Variants in KAZN observed in about 807,000 individuals in gnomAD.
The protein encoded by KAZN is kazrin.
In KAZN, 40 loss-of-function variants were observed where a neutral mutation model predicts 87.4. That is an observed-to-expected ratio of 0.46 (90% CI 0.36 to 0.60). KAZN has a LOEUF of 0.60. Ranked by LOEUF, KAZN falls within the 20% of genes least tolerant of loss-of-function variation. The pLI is 0.00. For missense variants in KAZN, 898 were observed against 1,073.9 expected (o/e 0.84, Z 2.29); for synonymous variants, 466 against 458.3 (o/e 1.02, Z -0.22).
intron 1 of KAZN, among the ~76,000 whole-genome samples, chr1:13,905,520 C>T (rs771843559): frequency 9.2e-5 from 14 of 152,270 alleles, no homozygotes; most frequent in South Asian, 2.1e-4. Flanking sequence ...CTTACCTCCC[C>T]GTGCCTGTGT....
intron 1 of KAZN, among the ~76,000 whole-genome samples, chr1:14,928,381 G>A (rs1279533011): frequency 6.6e-6 from 1 of 151,706 alleles, no homozygotes; most frequent in African/African-American, 2.4e-5. Context: ...CCTGGGAGGC[G>A]GAGCTTGCAG....
At chr1:14,304,647 G>A (rs1394790677) in intron 2 of KAZN, 1 of 398,322 alleles carries the variant, frequency 2.5e-6, no homozygotes, top group Non-Finnish European at 4.4e-6. Context: ...CAATGATCCA[G>A]CAGGCTTCTG....
intron 1 of KAZN, among the ~76,000 whole-genome samples, chr1:14,931,119 C>G (rs1168081922): frequency 6.6e-6 from 1 of 152,094 alleles, no homozygotes; most frequent in Non-Finnish European, 1.5e-5. Context: ...GGGAGGCTTC[C>G]AGGGCCAGAT....
intron 1 of KAZN, among the ~76,000 whole-genome samples, chr1:13,922,994 A>G (rs1346343777): frequency 6.6e-6 from 1 of 152,120 alleles, no homozygotes; most frequent in Non-Finnish European, 1.5e-5. Flanking sequence ...AGCTCAGGGG[A>G]TGTGCACACA....
At chr1:14,151,000 AATT>A (rs993763612) in intron 1 of KAZN, among the ~76,000 whole-genome samples, 1 of 152,138 alleles carries the variant, frequency 6.6e-6, no homozygotes, top group Admixed American at 6.5e-5. Flanking sequence ...GTATATTCTC[AATT>A]ATATATGTGA....
chr1:14,964,506 C>T (rs568161059), intron 2 of KAZN, among the ~76,000 whole-genome samples: 1 of 152,288 alleles, frequency 6.6e-6, no homozygotes, highest in African/African-American at 2.4e-5. Flanking sequence ...CACGAGCATC[C>T]TGCCTGGAAT....
intron 1 of KAZN, among the ~76,000 whole-genome samples, chr1:14,126,353 T>A (rs1371318237): frequency 1.2e-4 from 4 of 34,152 alleles, no homozygotes; most frequent in Admixed American, 3.3e-4. Context: ...AGCTCTCCCC[T>A]CCCCCCCCCC....
At position 14,929,865 on chromosome 1, in the gene KAZN, T is replaced by A. The variant is rs1238207327; in HGVS notation, c.227-30819T>A. ...AACCTCTGTCTCCCTTGTGGCGGCTTCTATGAAGGTGGGGACTCCAGGCTT... is the reference window on the plus strand; with the variant it reads ...AACCTCTGTCTCCCTTGTGGCGGCTACTATGAAGGTGGGGACTCCAGGCTT... On this transcript the variant is annotated intron_variant, in intron 1 of 14. Transcript: ENST00000376030. 9 of 985,454 alleles carry A rather than the reference T, an allele frequency of 9.1e-6. No individual in the cohort carries two copies. In the East Asian group the frequency reaches 1.0e-3, roughly 112 times the overall value. The allele number at this position is 985,454 out of a possible 1,614,324, so 61.0% of individuals were successfully genotyped here. A position where few individuals can be genotyped will look rare whatever the true frequency, so the allele number is the denominator to read the frequency against.
rs190873363 is a variant in KAZN, at chr1:13,906,551, C to T, written c.91+12795C>T. 6.0e-4 allele frequency among the ~76,000 whole-genome samples: 92 copies of T among 152,274 alleles called. 1 individual carries two copies. Among genetic ancestry groups the T allele is most frequent in the Admixed American group, 2.1e-3 (32 of 15,290 alleles). ...CCCAGGTTTCCAGTCTGCCTCTTCC[C>T]GTTCTTCTGGCCTAACTTTGTCTCT... On this transcript the variant is annotated intron_variant, in intron 1 of 16. Coordinates refer to the KAZN transcript ENST00000636203.
At chr1:14,161,204 G>A (rs1346187446) in intron 1 of KAZN, among the ~76,000 whole-genome samples, 1 of 152,208 alleles carries the variant, frequency 6.6e-6, no homozygotes, top group Non-Finnish European at 1.5e-5. Flanking sequence ...GCTATCTATT[G>A]CTGTATAAGA....
At chr1:14,672,247 A>G (rs1212653916) in intron 1 of KAZN, among the ~76,000 whole-genome samples, 1 of 152,206 alleles carries the variant, frequency 6.6e-6, no homozygotes, top group Non-Finnish European at 1.5e-5. Flanking sequence ...TCCGTGCTAC[A>G]CTTCATGGTT....
At chr1:14,376,118 G>A (rs1307608008) in intron 2 of KAZN, among the ~76,000 whole-genome samples, 1 of 152,114 alleles carries the variant, frequency 6.6e-6, no homozygotes, top group African/African-American at 2.4e-5. Flanking sequence ...CACAGTGAGG[G>A]AGAATACCAA....
At chr1:13,956,310 CTTTTTT>C (rs71576051) in intron 1 of KAZN, among the ~76,000 whole-genome samples, 5,780 of 138,580 alleles carry the variant, frequency 0.042, 415 homozygotes, top group African/African-American at 0.14. Flanking sequence ...TCTTTTTTTT[CTTTTTT>C]TTTTTTTGAT....
At chr1:14,944,434 C>T (rs1661502657) in intron 1 of KAZN, among the ~76,000 whole-genome samples, 1 of 151,584 alleles carries the variant, frequency 6.6e-6, no homozygotes. Context: ...GTTTCAGAAG[C>T]CATGCCTGCC....
chr1:14,413,218 T>C (rs1427376398), intron 2 of KAZN, among the ~76,000 whole-genome samples: 4 of 151,696 alleles, frequency 2.6e-5, no homozygotes, highest in Non-Finnish European at 5.9e-5. Context: ...TGACAATAAG[T>C]AGTACTGGGG....
chr1:14,808,528 C>T (rs1646300826), intron 1 of KAZN, among the ~76,000 whole-genome samples: 1 of 151,500 alleles, frequency 6.6e-6, no homozygotes. Context: ...AAACTCCTGA[C>T]CTCAAGTGAT....
intron 2 of KAZN, among the ~76,000 whole-genome samples, chr1:14,443,115 C>T (rs917777397): frequency 7.9e-5 from 12 of 152,162 alleles, no homozygotes; most frequent in Middle Eastern, 3.2e-3. Flanking sequence ...TTCTTGCAAC[C>T]GTGAAATGTT....
chr1:14,466,173 G>T (rs1051913349), intron 2 of KAZN, among the ~76,000 whole-genome samples: 1 of 152,116 alleles, frequency 6.6e-6, no homozygotes, highest in African/African-American at 2.4e-5. Context: ...GACTACACAA[G>T]AATTATGTCC....
At chr1:14,535,606 C>T (rs956472596) in intron 2 of KAZN, among the ~76,000 whole-genome samples, 1 of 151,584 alleles carries the variant, frequency 6.6e-6, no homozygotes, top group East Asian at 1.9e-4. Context: ...TAGGGGGTTG[C>T]AGTAAGCCAA....
Sources: gnomAD v4.1 joint callset for allele counts (sites outside exome capture counted in the v4.1 genomes callset) on GRCh38, gnomAD v4.1.1 for gene constraint, MANE v1.5 for transcripts, NCBI Gene and HGNC (gene_info 2026-07-23, HGNC 2026-07-21) for gene names.